Variants in TMEM223 observed in about 807,000 individuals in gnomAD.
The protein encoded by TMEM223 is transmembrane protein 223.
Under a neutral mutation model 14.1 loss-of-function variants are expected in TMEM223, and 14 were observed. That is an observed-to-expected ratio of 0.99 (90% CI 0.66 to 1.55). The LOEUF (loss-of-function observed/expected upper bound fraction) is 1.55. Among genes scored for constraint, TMEM223 ranks in the 40% most tolerant of loss-of-function variants. The pLI, the probability that TMEM223 is intolerant of heterozygous loss-of-function variation, is 0.00. For synonymous variants in TMEM223, 145 were observed against 120.5 expected (o/e 1.20, Z -1.33); for missense variants, 346 against 269.9 (o/e 1.28, Z -1.97).
downstream of TMEM223, chr11:62,787,143 C>T (rs1248034242): frequency 1.3e-6 from 2 of 1,567,820 alleles, no homozygotes; most frequent in South Asian, 1.1e-5. Flanking sequence ...CTGGGAGGCG[C>T]TGCCGCGGGC....
downstream of TMEM223, chr11:62,786,805 C>T (rs17850388): frequency 6.2e-7 from 1 of 1,609,086 alleles, no homozygotes; most frequent in African/African-American, 1.3e-5. Flanking sequence ...TGGCACCGGC[C>T]AGCCTGCACC....
chr11:62,786,477 C>G, downstream of TMEM223: 1 of 1,581,584 alleles, frequency 6.3e-7, no homozygotes, highest in Non-Finnish European at 8.6e-7. Context: ...GGCCCAGGTT[C>G]CTCGAATTTT....
At chr11:62,780,645 A>G (rs2084221794) in intron 1 of TMEM223, among the ~76,000 whole-genome samples, 1 of 152,032 alleles carries the variant, frequency 6.6e-6, no homozygotes, top group Non-Finnish European at 1.5e-5. Context: ...AGAAAAAGAA[A>G]GTGGCTGGGT....
chr11:62,787,001 C>T (rs1245876095), downstream of TMEM223: 4 of 1,482,520 alleles, frequency 2.7e-6, no homozygotes, highest in Non-Finnish European at 3.6e-6. Context: ...AGGCCCTTGC[C>T]GCGCGTGCAT....
At chr11:62,784,288 CA>C (rs2084253558), downstream of TMEM223, among the ~76,000 whole-genome samples, 2 of 137,142 alleles carry the variant, frequency 1.5e-5, no homozygotes, top group South Asian at 2.4e-4. Context: ...GGTGCCTGGC[CA>C]TATATATATA....
chr11:62,782,474 G>A (rs1565189210), intron 1 of TMEM223: 1 of 1,055,710 alleles, frequency 9.5e-7, no homozygotes, highest in South Asian at 1.6e-5. Context: ...TAGCTGGTGT[G>A]CTGTGACACA....
downstream of TMEM223, among the ~76,000 whole-genome samples, chr11:62,784,877 A>G (rs1033717159): frequency 3.3e-5 from 5 of 152,232 alleles, no homozygotes; most frequent in African/African-American, 1.2e-4. Context: ...CAGGAGTGAA[A>G]TTAAACATGT....
chr11:62,774,947 C>G (rs1160326510), intron 1 of TMEM223, among the ~76,000 whole-genome samples: 1 of 150,746 alleles, frequency 6.6e-6, no homozygotes, highest in Admixed American at 6.6e-5. Context: ...TACCTGTAAT[C>G]CCAGCTACTC....
Position 62,790,443 on chromosome 11 carries a change from T to G in TMEM223, c.*180A>C. ...TTCTAAGATTGGCGTTTTTTTTTGT[T>G]TTTTTTTTTGTAAATAGAGACAAGG... On this transcript the variant is annotated 3_prime_UTR_variant, in exon 2 of 2. Transcript: ENST00000307366. 6.6e-6 allele frequency: 4 copies of G among 606,258 alleles called. No individual in the cohort carries two copies. The highest frequency in any genetic ancestry group is 3.5e-5 in the Admixed American group (1 of 28,754). 37.6% of individuals were successfully genotyped at this position (606,258 alleles called of 1,614,324 possible). A position where few individuals can be genotyped will look rare whatever the true frequency, so the allele number is the denominator to read the frequency against.
downstream of TMEM223, chr11:62,787,264 C>T: frequency 6.4e-7 from 1 of 1,564,202 alleles, no homozygotes; most frequent in Admixed American, 1.8e-5. Context: ...CCGGTGGGCG[C>T]TCTCGGACTA....
intron 1 of TMEM223, among the ~76,000 whole-genome samples, chr11:62,779,783 A>C (rs2084213638): frequency 6.6e-6 from 1 of 150,874 alleles, no homozygotes; most frequent in Admixed American, 6.6e-5. Context: ...CTCCCACCTC[A>C]GCTTCCCAAG....
At chr11:62,786,905 T>A, downstream of TMEM223, 1 of 1,521,294 alleles carries the variant, frequency 6.6e-7, no homozygotes, top group Non-Finnish European at 8.7e-7. Context: ...GCAAGCGCCA[T>A]AGTCAGCCCG....
chr11:62,779,343 C>T lies in TMEM223; in HGVS notation c.315-4678G>A, dbSNP rs532299970. 3.3e-5 allele frequency among the ~76,000 whole-genome samples: 5 copies of T among 151,966 alleles called. No individual in the cohort carries two copies. The East Asian group carries it at 5.8e-4, about 18-fold the overall frequency. ...CCGAGTAGCTGGGACTACAGGTGCCCGCCAACATACCCGGCTAATTTTTTG... is the reference window on the plus strand; with the variant it reads ...CCGAGTAGCTGGGACTACAGGTGCCTGCCAACATACCCGGCTAATTTTTTG... On this transcript the variant is annotated intron_variant, in intron 1 of 2. Transcript: ENST00000528367.
exon 3 of TMEM223, chr11:62,771,727 C>G (rs2584917): frequency 0.019 from 3,917 of 206,942 alleles, 157 homozygotes; most frequent in African/African-American, 0.085. Flanking sequence ...CCCACGCCTC[C>G]TCTCCAGCGT....
At chr11:62,775,948 CCT>C (rs752715012) in intron 1 of TMEM223, 216 of 1,584,158 alleles carry the variant, frequency 1.4e-4, no homozygotes, top group Non-Finnish European at 1.7e-4. Flanking sequence ...CCCCTCACCC[CCT>C]GATACCTCCA....
At chr11:62,776,262 C>A in intron 1 of TMEM223, 1 of 966,598 alleles carries the variant, frequency 1.0e-6, no homozygotes, top group Non-Finnish European at 1.6e-6. Flanking sequence ...GGAATCTAGG[C>A]TTCTGATCCC....
chr11:62,784,549 G>A (rs1249720952), downstream of TMEM223, among the ~76,000 whole-genome samples: 11 of 152,040 alleles, frequency 7.2e-5, no homozygotes, highest in South Asian at 2.1e-4. Context: ...CTCATGATCC[G>A]CCCGCCTTGG....
intron 1 of TMEM223, among the ~76,000 whole-genome samples, chr11:62,774,885 C>G (rs1240559815): frequency 1.4e-5 from 2 of 147,170 alleles, no homozygotes; most frequent in South Asian, 2.2e-4. Context: ...GAACAAAACT[C>G]CGTCTCAAAA....
chr11:62,787,379 T>A, downstream of TMEM223: 2 of 1,548,954 alleles, frequency 1.3e-6, no homozygotes, highest in Non-Finnish European at 8.6e-7. Context: ...CCGGATAAGG[T>A]GGGCTTTGGG....
Sources: gnomAD v4.1 joint callset for allele counts (sites outside exome capture counted in the v4.1 genomes callset) on GRCh38, gnomAD v4.1.1 for gene constraint, MANE v1.5 for transcripts, NCBI Gene and HGNC (gene_info 2026-07-23, HGNC 2026-07-21) for gene names.